The following TSPAN14 variants were observed in gnomAD, a reference collection of about 807,000 sequenced individuals.
TSPAN14 encodes tetraspanin-14.
In TSPAN14, 16 loss-of-function variants were observed where a neutral mutation model predicts 36.6. The ratio of observed to expected loss-of-function variants is 0.44; its 90% CI spans 0.30 to 0.66. TSPAN14 has a LOEUF of 0.66. TSPAN14 is among the 30% of genes least tolerant of loss of function. TSPAN14 has a pLI of 0.12. For synonymous variants in TSPAN14, 139 were observed against 143.8 expected (o/e 0.97, Z 0.24); for missense variants, 231 against 355.1 (o/e 0.65, Z 2.81).
At chr10:80,507,161 C>A (rs769565991) in intron 3 of TSPAN14, 67 bp from the exon 4 acceptor site, 2 of 1,588,840 alleles carry the variant, frequency 1.3e-6, no homozygotes, top group Non-Finnish European at 1.7e-6. Flanking sequence ...CCACCTGCAT[C>A]CCCCAGGGCA....
At chr10:80,512,149 G>A (rs1242189248) in exon 6 of TSPAN14, 1 of 1,614,194 alleles carries the variant, frequency 6.2e-7, no homozygotes, top group Non-Finnish European at 8.5e-7. Flanking sequence ...TGCAGAACCA[G>A]TGCTGTGGCG....
chr10:80,487,383 A>T (rs2343308), intron 1 of TSPAN14, among the ~76,000 whole-genome samples: 1 of 151,820 alleles, frequency 6.6e-6, no homozygotes, highest in Non-Finnish European at 1.5e-5. Context: ...CCTTCTTACC[A>T]GAACCTTGTG....
Position 80,495,335 on chromosome 10 carries a change from C to CTGTGTG in TSPAN14, c.81+6059_81+6064dup, listed in dbSNP as rs3041272. Reference sequence around the variant, plus strand: ...ATAGGAAGTTGACTGTCTTTTGGCACTGTGTGTGTGTGTGTGTGTGTGTGT... The same window carrying CTGTGTG: ...ATAGGAAGTTGACTGTCTTTTGGCACTGTGTGTGTGTGTGTGTGTGTGTGTGTGTGT... On this transcript the variant is annotated intron_variant, in intron 2 of 8. Transcript: ENST00000429989. 7.5e-3 allele frequency among the ~76,000 whole-genome samples: 1,018 copies of CTGTGTG among 135,708 alleles called. 12 individuals are homozygous for CTGTGTG. The highest frequency in any genetic ancestry group is 9.5e-3 in the Non-Finnish European group (617 of 64,678). 89.0% of individuals were successfully genotyped at this position (135,708 alleles called of 152,430 possible).
intron 1 of TSPAN14, among the ~76,000 whole-genome samples, chr10:80,477,200 T>C (rs1846967547): frequency 6.6e-6 from 1 of 152,226 alleles, no homozygotes; most frequent in South Asian, 2.1e-4. Context: ...TGTAATTACA[T>C]TGGATAGCTC....
At chr10:80,489,158 T>C (rs1213977500) in intron 1 of TSPAN14, 59 bp from the exon 2 acceptor site, 2 of 1,163,160 alleles carry the variant, frequency 1.7e-6, no homozygotes, top group Non-Finnish European at 2.5e-6. Context: ...ATGAGCTGGT[T>C]TGGGGGAAAG....
exon 9 of TSPAN14, chr10:80,520,960 C>T: frequency 4.6e-6 from 2 of 433,140 alleles, no homozygotes; most frequent in Non-Finnish European, 9.4e-6. Flanking sequence ...CGGGGAATCC[C>T]ACTACCCACA....
intron 1 of TSPAN14, among the ~76,000 whole-genome samples, chr10:80,456,951 A>T (rs1235480621): frequency 6.6e-6 from 1 of 152,156 alleles, no homozygotes; most frequent in Non-Finnish European, 1.5e-5. Context: ...AATCCCAGCT[A>T]CTTGGGAGGC....
chr10:80,503,582 C>G (rs1848648054), intron 2 of TSPAN14, among the ~76,000 whole-genome samples: 1 of 152,086 alleles, frequency 6.6e-6, no homozygotes, highest in South Asian at 2.1e-4. Context: ...CAGTGGGAAG[C>G]TGTGACCCCT....
intron 1 of TSPAN14, among the ~76,000 whole-genome samples, chr10:80,484,587 A>G (rs1847490098): frequency 6.6e-6 from 1 of 152,094 alleles, no homozygotes; most frequent in Admixed American, 6.5e-5. Context: ...TTTGTGTATA[A>G]TGTTCATATC....
intron 6 of TSPAN14, among the ~76,000 whole-genome samples, chr10:80,513,193 C>G (rs981978977): frequency 6.6e-6 from 1 of 152,208 alleles, no homozygotes; most frequent in African/African-American, 2.4e-5. Flanking sequence ...GCCGCTGTGC[C>G]TGTCCTGTCC....
intron 2 of TSPAN14, among the ~76,000 whole-genome samples, chr10:80,499,502 T>TGG (rs1200891952): frequency 6.6e-6 from 1 of 152,090 alleles, no homozygotes; most frequent in Admixed American, 6.5e-5. Context: ...AGCCCCCCTG[T>TGG]GGAATTCCTA....
intron 1 of TSPAN14, among the ~76,000 whole-genome samples, chr10:80,456,607 C>T (rs1274329431): frequency 1.3e-5 from 2 of 152,212 alleles, no homozygotes; most frequent in Non-Finnish European, 2.9e-5. Flanking sequence ...GGTAGAATTC[C>T]TTTTAGCAGT....
chr10:80,501,252 A>C (rs961215052), intron 2 of TSPAN14, among the ~76,000 whole-genome samples: 1 of 124,524 alleles, frequency 8.0e-6, no homozygotes, highest in Non-Finnish European at 1.7e-5. Flanking sequence ...GAATACAGGC[A>C]TTTTTTTTTT....
chr10:80,501,510 G>C (rs1203710758), intron 2 of TSPAN14, among the ~76,000 whole-genome samples: 6 of 152,166 alleles, frequency 3.9e-5, no homozygotes, highest in Admixed American at 2.6e-4. Flanking sequence ...GTGTGGAGGA[G>C]AGAGGGGAGC....
intron 1 of TSPAN14, among the ~76,000 whole-genome samples, chr10:80,464,085 C>A (rs148381901): frequency 1.0e-3 from 156 of 152,308 alleles, no homozygotes; most frequent in African/African-American, 3.3e-3. Context: ...TGGGTTCCAG[C>A]AACCTCACGA....
At chr10:80,521,224 G>A (rs1158632115) in exon 9 of TSPAN14, 3 of 171,624 alleles carry the variant, frequency 1.7e-5, no homozygotes, top group Admixed American at 5.5e-5. Flanking sequence ...CCACCTGATG[G>A]CTTCTCAGCC....
chr10:80,467,943 T>A (rs1260004845), intron 1 of TSPAN14, among the ~76,000 whole-genome samples: 2 of 152,200 alleles, frequency 1.3e-5, no homozygotes, highest in Admixed American at 1.3e-4. Context: ...GCTTTTAATT[T>A]TACCTCTTGC....
At position 80,507,393 on chromosome 10, in the gene TSPAN14, A is replaced by G. The variant is rs1009608854; in HGVS notation, c.279+19A>G. The G allele has an allele frequency of 6.2e-7, 1 of 1,614,152 alleles. No homozygotes were observed. On this transcript the variant is annotated intron_variant, in intron 4 of 8. Transcript: ENST00000429989. ...CAACTTTGTGAGTGGCCACAGAGACAAGAGTGGGATAGGATGCAATGGGGT... is the reference window on the plus strand; with the variant it reads ...CAACTTTGTGAGTGGCCACAGAGACGAGAGTGGGATAGGATGCAATGGGGT...
At position 80,512,285 on chromosome 10, in the gene TSPAN14, C is replaced by T. The variant is rs1176707777; in HGVS notation, c.576+16C>T. On this transcript the variant is annotated intron_variant, in intron 6 of 8. Transcript: ENST00000429989. ...AGATCCTGCGGTGAGTTGGCTTGTG[C>T]TGGGGCACAGGGAGCCCGCCCTTCC... is the stretch of plus-strand genomic sequence containing the variant. 1 of 1,613,048 alleles carries T rather than the reference C, an allele frequency of 6.2e-7. No individual in the cohort carries two copies. Among genetic ancestry groups the T allele is most frequent in the Non-Finnish European group, 8.5e-7 (1 of 1,179,850 alleles).
Sources: gnomAD v4.1 joint callset for allele counts (sites outside exome capture counted in the v4.1 genomes callset) on GRCh38, gnomAD v4.1.1 for gene constraint, MANE v1.5 for transcripts, NCBI Gene and HGNC (gene_info 2026-07-23, HGNC 2026-07-21) for gene names.